The following IFFO1 variants were observed in gnomAD, a reference collection of about 807,000 sequenced individuals.
IFFO1 encodes intermediate filament family orphan 1, also known as non-homologous end joining factor IFFO1.
IFFO1 carries 42 observed loss-of-function variants against 59.6 expected under a neutral mutation model. The observed-to-expected ratio is 0.70, with a 90% CI of 0.55 to 0.91. The LOEUF is 0.91. IFFO1 is among the 40% of genes least tolerant of loss of function. The pLI, the probability that IFFO1 is intolerant of heterozygous loss-of-function variation, is 0.00. For missense variants in IFFO1, 711 were observed against 793.2 expected, an observed-to-expected ratio of 0.90 and a Z score of 1.24; for synonymous variants, 336 against 342.8, an observed-to-expected ratio of 0.98 and a Z score of 0.22.
intron 1 of IFFO1, among the ~76,000 whole-genome samples, chr12:6,552,502 A>G (rs1947274377): frequency 6.6e-6 from 1 of 152,170 alleles, no homozygotes; most frequent in Non-Finnish European, 1.5e-5. Context: ...ATGTTTTCTT[A>G]GCTAAGACCC....
In IFFO1 at chr12:6,555,861, C is replaced by G. The variant is rs1947425375; in HGVS notation, c.169G>C (p.Gly57Arg). ...GPAAYSPPGPGPAPPAAMALR... is the reference protein window; with the variant it reads ...GPAAYSPPGPRPAPPAAMALR... ...GCCATGGCGGCAGGCGGGGCCGGGC[C>G]CGGCCCGGGCGGCGAGTAGGCAGCA... The change falls in exon 1 of 10, where the codon GGC becomes CGC. Residue 57 changes from glycine to arginine, a missense_variant. This residue lies in a region of IFFO1 where 114 missense variants were observed against 102.4 expected (regional missense o/e 1.11). Coordinates refer to ENST00000619571, the MANE Select transcript of IFFO1 (RefSeq NM_001193457.2). This position sits in a 1 kb window ranked among gnomAD's most constrained non-coding sequence, Gnocchi z 8.6. 3 of 1,606,584 alleles carry G rather than the reference C, an allele frequency of 1.9e-6. No homozygotes were observed.
In IFFO1 at chr12:6,555,624, G is replaced by T. The variant is rs1205250324; in HGVS notation, c.406C>A (p.Pro136Thr). The part of the protein sequence containing the change: ...VQTGFVSPIR[P>T]LGLQLGARPA... ...CGGGCGCCCAGCTGCAGCCCCAGGGGCCGGATGGGGCTGACGAAGCCGGTC... is the reference window on the plus strand; with the variant it reads ...CGGGCGCCCAGCTGCAGCCCCAGGGTCCGGATGGGGCTGACGAAGCCGGTC... Residue 136 changes from proline (P) to threonine (T), a missense_variant, in exon 1 of 10, where the codon CCC (proline) becomes ACC (threonine). Physicochemically the swap from Pro to Thr is conservative, Grantham distance 38. This residue lies in a region of IFFO1 where 579 missense variants were observed against 650.3 expected (regional missense o/e 0.89). Coordinates refer to ENST00000619571, the MANE Select transcript of IFFO1 (RefSeq NM_001193457.2). This position sits in a 1 kb window ranked among gnomAD's most constrained non-coding sequence, Gnocchi z 8.6. The T allele has an allele frequency of 1.3e-6, 2 of 1,493,184 alleles. No individual in the cohort carries two copies. The highest frequency in any genetic ancestry group is 8.9e-7 in the Non-Finnish European group (1 of 1,127,558). The allele number at this position is 1,493,184 out of a possible 1,614,324, so 92.5% of individuals were successfully genotyped here.
chr12:6,542,015 T>G (rs2136093747), intron 8 of IFFO1, among the ~76,000 whole-genome samples: 1 of 152,276 alleles, frequency 6.6e-6, no homozygotes, highest in South Asian at 2.1e-4. Context: ...TGTACTGCGC[T>G]GGTCCTGGGC....
chr12:6,542,559 C>G (rs183442315), intron 8 of IFFO1, among the ~76,000 whole-genome samples: 2 of 152,296 alleles, frequency 1.3e-5, no homozygotes, highest in Admixed American at 1.3e-4. Flanking sequence ...GTGGATTGGA[C>G]AGAGAGGGTG....
intron 8 of IFFO1, among the ~76,000 whole-genome samples, chr12:6,542,755 A>G (rs1946777892): frequency 6.6e-6 from 1 of 152,192 alleles, no homozygotes; most frequent in African/African-American, 2.4e-5. Context: ...GTGACTGTTC[A>G]ACCCAGGGGG....
In IFFO1 at chr12:6,547,699, A is replaced by G. The variant is rs567285360; in HGVS notation, c.1479+366T>C. On this transcript the variant is annotated intron_variant, in intron 8 of 9. Coordinates refer to ENST00000619571, the MANE Select transcript of IFFO1 (RefSeq NM_001193457.2). ...TTGTCTCAAAAAAGAAAGGACAGAAAGACAAGGGAGAGAGGGAGGGAGGGA... is the reference window on the plus strand; with the variant it reads ...TTGTCTCAAAAAAGAAAGGACAGAAGGACAAGGGAGAGAGGGAGGGAGGGA... 2.0e-5 allele frequency among the ~76,000 whole-genome samples: 3 copies of G among 150,584 alleles called. No individual in the cohort carries two copies. The East Asian group carries it at 6.0e-4, about 30-fold the overall frequency.
chr12:6,555,958 C>G lies in IFFO1; in HGVS notation c.72G>C (p.Gly24=). ...QEQQGLAGPL[G]DSLGGDHFAG... ...CGAAGTGGTCGCCTCCCAGTGAGTCCCCCAGTGGCCCGGCCAGGCCCTGCT... is the reference window on the plus strand; with the variant it reads ...CGAAGTGGTCGCCTCCCAGTGAGTCGCCCAGTGGCCCGGCCAGGCCCTGCT... The change falls in exon 1 of 10, where the codon GGG becomes GGC. Residue 24 remains glycine (G), a synonymous_variant. Coordinates refer to ENST00000619571, the MANE Select transcript of IFFO1 (RefSeq NM_001193457.2). The surrounding 1 kb of genome is among the most constrained non-coding windows in gnomAD (Gnocchi z 8.6). 2 of 1,562,408 alleles carry G rather than the reference C, an allele frequency of 1.3e-6. No homozygotes were observed. Among genetic ancestry groups the G allele is most frequent in the Non-Finnish European group, 1.7e-6 (2 of 1,160,670 alleles).
chr12:6,551,555 C>T, intron 1 of IFFO1: 1 of 1,067,344 alleles, frequency 9.4e-7, no homozygotes, highest in South Asian at 1.3e-5. Flanking sequence ...TGGTAGGAGA[C>T]ACTCAAAGTC....
intron 9 of IFFO1, 75 bp from the exon 10 acceptor site, chr12:6,540,663 G>A (rs1592196230): frequency 7.9e-7 from 1 of 1,259,720 alleles, no homozygotes; most frequent in East Asian, 2.4e-5. Flanking sequence ...TCCTCCTGCT[G>A]CCTCACCCTC....
chr12:6,552,592 G>A (rs1592223501), intron 1 of IFFO1, among the ~76,000 whole-genome samples: 1 of 152,140 alleles, frequency 6.6e-6, no homozygotes, highest in Non-Finnish European at 1.5e-5. Context: ...GGGAGCCCAC[G>A]AGTCCCTGGA....
chr12:6,546,558 A>T (rs1232437391), intron 8 of IFFO1, among the ~76,000 whole-genome samples: 1 of 151,954 alleles, frequency 6.6e-6, no homozygotes, highest in African/African-American at 2.4e-5. Context: ...ATCTCGGCTC[A>T]CTGCAAGCTC....
In IFFO1 at chr12:6,540,583, G is replaced by A. The variant is rs1946661487; in HGVS notation, c.1616C>T (p.Ser539Phe). The A allele has an allele frequency of 6.2e-7, 1 of 1,613,432 alleles. No homozygotes were observed. Among genetic ancestry groups the A allele is most frequent in the South Asian group, 1.1e-5 (1 of 91,076 alleles). ...RLITQSGDRKSPAFTAVPLSD... is the reference protein window; with the variant it reads ...RLITQSGDRKFPAFTAVPLSD... Reference sequence around the variant, plus strand: ...AAGCGGGACCGCAGTGAAAGCAGGAGACTTTCTAGAAAAAAACACCAGTTG... The same window carrying A: ...AAGCGGGACCGCAGTGAAAGCAGGAAACTTTCTAGAAAAAAACACCAGTTG... Residue 539 changes from serine to phenylalanine, a missense_variant, in exon 10 of 10, where the codon TCT becomes TTT. Ser to Phe is a radical substitution (Grantham distance 155). Coordinates refer to ENST00000619571, the MANE Select transcript of IFFO1 (RefSeq NM_001193457.2).
intron 8 of IFFO1, among the ~76,000 whole-genome samples, chr12:6,544,126 T>C (rs1946843224): frequency 6.6e-6 from 1 of 151,876 alleles, no homozygotes; most frequent in African/African-American, 2.4e-5. Flanking sequence ...CTAAAGTCAT[T>C]GCACTGGGAG....
rs1321757227 is a variant in IFFO1, at chr12:6,541,076, C to G, written c.1610+436G>C. Among the ~76,000 whole-genome samples the G allele has an allele frequency of 1.3e-5, 2 of 151,138 alleles. No individual in the cohort carries two copies. The highest frequency in any genetic ancestry group is 2.9e-5 in the Non-Finnish European group (2 of 67,950). ...TCACAGTAGGAGAGAAGCTGCTGAG[C>G]CTCCAGCACCCTGACTCTAGGGCCT... On this transcript the variant is annotated intron_variant, in intron 9 of 9. Coordinates refer to ENST00000619571, the MANE Select transcript of IFFO1 (RefSeq NM_001193457.2). The surrounding 1 kb of genome is among the most constrained non-coding windows in gnomAD (Gnocchi z 4.8).
rs1465749223 is a variant in IFFO1, at chr12:6,548,175, G to A, written c.1384-15C>T. ...TCTTCCTGCTGCTGGAGTAGAAAGG[G>A]AAGCGGGGGAGGCCAGCCAAGGAGG... On this transcript the variant is annotated splice_polypyrimidine_tract_variant and intron_variant, in intron 7 of 9. Transcript: ENST00000619571. This position sits in a 1 kb window ranked among gnomAD's most constrained non-coding sequence, Gnocchi z 6.1. 6.2e-7 allele frequency: 1 copy of A among 1,608,128 alleles called. No homozygotes were observed. Among genetic ancestry groups the A allele is most frequent in the Non-Finnish European group, 8.5e-7 (1 of 1,174,702 alleles).
rs917871520 is a variant in IFFO1 at position 6,555,520 on chromosome 12, G to C, written c.510C>G (p.Ser170=). 7 of 1,574,570 alleles carry C rather than the reference G, an allele frequency of 4.4e-6. No homozygotes were observed. Among genetic ancestry groups the C allele is most frequent in the African/African-American group, 1.4e-5 (1 of 72,994 alleles). Residue 170 remains serine, a synonymous_variant, in exon 1 of 10, where the codon TCC becomes TCG. Transcript: ENST00000619571. The surrounding 1 kb of genome is among the most constrained non-coding windows in gnomAD (Gnocchi z 8.6). ...TGGAGGACGACGAGAGGCTGGCCGC[G>C]GAGGGCGCGAGGGGGCCGGCCGGGG... ...ARSPAGPLAP[S]AASLSSSSTS... is the part of the protein sequence containing the mutation.
At chr12:6,546,579 G>A (rs866166312) in intron 8 of IFFO1, among the ~76,000 whole-genome samples, 5 of 152,314 alleles carry the variant, frequency 3.3e-5, no homozygotes, top group Middle Eastern at 3.4e-3. Flanking sequence ...CGCCTCCCGG[G>A]TTCACGCCAT....
Position 6,548,115 on chromosome 12 carries a change from G to A in IFFO1, c.1429C>T (p.Leu477=), listed in dbSNP as rs1592212554. Residue 477 remains leucine (L), a synonymous_variant, in exon 8 of 10, where the codon CTG becomes TTG. Coordinates refer to ENST00000619571, the MANE Select transcript of IFFO1 (RefSeq NM_001193457.2). This position sits in a 1 kb window ranked among gnomAD's most constrained non-coding sequence, Gnocchi z 6.1. ...LEKVIKDTES[L]FKTREKEYQE... Reference sequence around the variant, plus strand: ...TACTCCTTCTCCCGGGTTTTGAACAGGGACTCCGTATCTTTAATCACCTTC... The same window carrying A: ...TACTCCTTCTCCCGGGTTTTGAACAAGGACTCCGTATCTTTAATCACCTTC... 6.2e-7 allele frequency: 1 copy of A among 1,614,140 alleles called. No homozygotes were observed. The highest frequency in any genetic ancestry group is 1.1e-5 in the South Asian group (1 of 91,084).
At position 6,548,344 on chromosome 12, in the gene IFFO1, G is replaced by A; in HGVS notation, c.1383+81C>T. The A allele has an allele frequency of 2.6e-6, 4 of 1,513,368 alleles. No homozygotes were observed. The highest frequency in any genetic ancestry group is 3.6e-6 in the Non-Finnish European group (4 of 1,109,110). The allele number at this position is 1,513,368 out of a possible 1,614,324, so 93.7% of individuals were successfully genotyped here. On this transcript the variant is annotated intron_variant, in intron 7 of 9. Transcript: ENST00000619571. The surrounding 1 kb of genome is among the most constrained non-coding windows in gnomAD (Gnocchi z 6.1). ...AGGATGACAGCCACATGGGGGGACA[G>A]AGCAAGGAGAGGAGCGGGGGAGTGG...
Sources: allele counts gnomAD v4.1 joint callset (sites outside exome capture counted in the v4.1 genomes callset), GRCh38; gene constraint gnomAD v4.1.1; regional missense constraint gnomAD v4.1.1; non-coding constraint Gnocchi (gnomAD v3.1); transcripts MANE v1.5; gene names NCBI Gene and HGNC (gene_info 2026-07-23, HGNC 2026-07-21).